The following QKI variants were observed in gnomAD, a reference collection of about 807,000 sequenced individuals.
The protein encoded by QKI is QKI, KH domain containing RNA binding, also known as KH domain-containing RNA-binding protein QKI.
A neutral mutation model predicts 39.0 loss-of-function variants in QKI; 10 were observed. The observed-to-expected ratio is 0.26, with a 90% CI of 0.16 to 0.43. The LOEUF (loss-of-function observed/expected upper bound fraction) is 0.43, where lower values mean the gene tolerates loss of function less well. QKI is among the 20% of genes least tolerant of loss of function. The pLI, the probability that QKI is intolerant of heterozygous loss-of-function variation, is 1.00. For missense variants in QKI, 218 were observed against 428.0 expected, an observed-to-expected ratio of 0.51 and a Z score of 4.33; for synonymous variants, 204 against 155.4, an observed-to-expected ratio of 1.31 and a Z score of -2.33.
chr6:163,464,278 A>ATT (rs146851251), intron 2 of QKI, among the ~76,000 whole-genome samples: 4,137 of 147,140 alleles, frequency 0.028, 184 homozygotes, highest in African/African-American at 0.096. Context: ...ATTTCCTGGG[A>ATT]TTTTTTTTTT....
chr6:163,564,389 A>G, intron 6 of QKI: 1 of 1,253,998 alleles, frequency 8.0e-7, no homozygotes, highest in South Asian at 1.8e-5. Context: ...ACATAGTATA[A>G]GTGGTCCGTT....
At chr6:163,471,886 T>G (rs75693515) in intron 2 of QKI, among the ~76,000 whole-genome samples, 1 of 152,102 alleles carries the variant, frequency 6.6e-6, no homozygotes, top group Non-Finnish European at 1.5e-5. Flanking sequence ...AACAAAAGTT[T>G]GAAGGTAATA....
intron 1 of QKI, among the ~76,000 whole-genome samples, chr6:163,438,634 G>A (rs532032304): frequency 6.6e-5 from 10 of 151,876 alleles, no homozygotes; most frequent in African/African-American, 2.2e-4. Context: ...CATAGAAAAG[G>A]TACAGTAAAA....
chr6:163,446,900 G>T (rs931921084), intron 1 of QKI, among the ~76,000 whole-genome samples: 1 of 152,142 alleles, frequency 6.6e-6, no homozygotes, highest in Admixed American at 6.5e-5. Flanking sequence ...TAGGAACCTA[G>T]ACCTGGAGTT....
chr6:163,459,357 GA>G (rs997853217), intron 2 of QKI, among the ~76,000 whole-genome samples: 5 of 152,200 alleles, frequency 3.3e-5, no homozygotes, highest in African/African-American at 1.2e-4. Context: ...AAACTTGGGA[GA>G]GGGGGTACTA....
At chr6:163,432,061 C>CGATCA (rs1370539438) in intron 1 of QKI, among the ~76,000 whole-genome samples, 1 of 152,104 alleles carries the variant, frequency 6.6e-6, no homozygotes, top group Non-Finnish European at 1.5e-5. Flanking sequence ...TGGGCCTGAT[C>CGATCA]CCCTCTAAGC....
intron 2 of QKI, among the ~76,000 whole-genome samples, chr6:163,461,787 C>T (rs773618957): frequency 3.3e-5 from 5 of 152,096 alleles, no homozygotes; most frequent in Admixed American, 6.5e-5. Context: ...GCAGTGTCTC[C>T]GGGAGTAAAA....
intron 3 of QKI, among the ~76,000 whole-genome samples, chr6:163,494,391 A>G (rs887171977): frequency 1.3e-5 from 2 of 152,228 alleles, no homozygotes; most frequent in Non-Finnish European, 1.5e-5. Context: ...CGTTTTGTTC[A>G]TTTGTGTGTA....
At chr6:163,524,266 AT>A (rs1219246372) in intron 3 of QKI, among the ~76,000 whole-genome samples, 1 of 152,202 alleles carries the variant, frequency 6.6e-6, no homozygotes, top group Admixed American at 6.5e-5. Flanking sequence ...TTCTTAAAAA[AT>A]GTATTTAAAA....
chr6:163,513,444 A>G (rs1210569157), intron 3 of QKI, among the ~76,000 whole-genome samples: 1 of 152,358 alleles, frequency 6.6e-6, no homozygotes, highest in African/African-American at 2.4e-5. Flanking sequence ...TTTTATTTGT[A>G]TATGAATAAT....
chr6:163,501,201 G>A (rs1323505267), intron 3 of QKI, among the ~76,000 whole-genome samples: 2 of 151,996 alleles, frequency 1.3e-5, no homozygotes, highest in East Asian at 1.9e-4. Flanking sequence ...CACTCAAAGT[G>A]CTCCCCACCC....
intron 1 of QKI, chr6:163,423,394 C>G (rs941028602): frequency 6.6e-6 from 1 of 152,378 alleles, no homozygotes. Context: ...TGTTTTAGAG[C>G]TGCAGGGGAC....
intron 4 of QKI, among the ~76,000 whole-genome samples, chr6:163,541,072 A>T (rs746401974): frequency 4.6e-5 from 7 of 151,858 alleles, no homozygotes; most frequent in Non-Finnish European, 8.8e-5. Flanking sequence ...GTGATTTGAG[A>T]CCTGTCTTTT....
chr6:163,564,604 G>T, intron 6 of QKI: 1 of 1,610,674 alleles, frequency 6.2e-7, no homozygotes, highest in African/African-American at 1.3e-5. Flanking sequence ...ATAAACGCTT[G>T]GTTTTACATG....
chr6:163,455,655 A>C (rs2128219293), intron 2 of QKI, among the ~76,000 whole-genome samples: 1 of 152,306 alleles, frequency 6.6e-6, no homozygotes, highest in Middle Eastern at 3.4e-3. Flanking sequence ...TTGGGTTTCA[A>C]AACTGGATGA....
Position 163,570,894 on chromosome 6 carries a change from CT to C in QKI, c.*201del, listed in dbSNP as rs368970926. The C allele has an allele frequency of 0.2, 94,398 of 478,990 alleles. 370 individuals carry two copies. Among genetic ancestry groups the C allele is most frequent in the East Asian group, 0.24 (5,991 of 24,838 alleles). 29.7% of individuals were successfully genotyped at this position (478,990 alleles called of 1,614,324 possible). A position where few individuals can be genotyped will look rare whatever the true frequency, so the allele number is the denominator to read the frequency against. ...AAGAAATTGTTGTCCTCCAACTCAG[CT>C]TTTTTTTTTTTTTTTTCCTGTTTGG... On this transcript the variant is annotated 3_prime_UTR_variant, in exon 8 of 8. Coordinates refer to ENST00000361752, the MANE Select transcript of QKI (RefSeq NM_006775.3).
chr6:163,462,949 A>T (rs1237877214), intron 2 of QKI, among the ~76,000 whole-genome samples: 1 of 152,194 alleles, frequency 6.6e-6, no homozygotes, highest in African/African-American at 2.4e-5. Flanking sequence ...GAGAATAAAG[A>T]TGTATGTGAT....
intron 4 of QKI, among the ~76,000 whole-genome samples, chr6:163,545,045 AC>A (rs1227585946): frequency 1.3e-5 from 2 of 152,048 alleles, no homozygotes; most frequent in African/African-American, 4.8e-5. Flanking sequence ...GAATACAAAG[AC>A]CCATGTAGTC....
intron 2 of QKI, among the ~76,000 whole-genome samples, chr6:163,467,038 CA>C (rs199715703): frequency 0.065 from 6,774 of 104,932 alleles, 217 homozygotes; most frequent in African/African-American, 0.12. Context: ...AACAAAACAG[CA>C]AAAAAAAAAA....
Sources: allele counts gnomAD v4.1 joint callset (sites outside exome capture counted in the v4.1 genomes callset), GRCh38; gene constraint gnomAD v4.1.1; transcripts MANE v1.5; gene names NCBI Gene and HGNC (gene_info 2026-07-23, HGNC 2026-07-21).